The following TNFRSF8 variants were observed in gnomAD, a reference collection of about 807,000 sequenced individuals.
TNFRSF8 encodes the protein tumor necrosis factor receptor superfamily member 8.
A neutral mutation model predicts 70.8 loss-of-function variants in TNFRSF8; 26 were observed. That is an observed-to-expected ratio of 0.37 (90% CI 0.27 to 0.51). The LOEUF (loss-of-function observed/expected upper bound fraction) is 0.51, where lower values mean the gene tolerates loss of function less well. TNFRSF8 is among the 20% of genes least tolerant of loss of function. TNFRSF8 has a pLI of 0.94. For missense variants in TNFRSF8, 720 were observed against 807.9 expected (o/e 0.89, Z 1.32); for synonymous variants, 356 against 339.2 (o/e 1.05, Z -0.54).
intron 13 of TNFRSF8, among the ~76,000 whole-genome samples, chr1:12,135,984 CTG>C (rs1642138201): frequency 1.3e-5 from 2 of 152,274 alleles, no homozygotes; most frequent in South Asian, 2.1e-4. Flanking sequence ...AGGAGGAAGA[CTG>C]TGTTCATTTT....
chr1:12,126,640 C>T (rs970475027), intron 12 of TNFRSF8, among the ~76,000 whole-genome samples: 1 of 152,204 alleles, frequency 6.6e-6, no homozygotes, highest in Non-Finnish European at 1.5e-5. Flanking sequence ...CCTCTCTCCC[C>T]CTCTTCTACC....
chr1:12,138,513 A>G lies in TNFRSF8; in HGVS notation c.1543+77A>G, dbSNP rs1642195024. On this transcript the variant is annotated intron_variant, in intron 14 of 14. Transcript: ENST00000263932. This position sits in a 1 kb window ranked among gnomAD's most constrained non-coding sequence, Gnocchi z 5.7. ...ATGAATACGGGGCCCTGGGCCCTGG[A>G]AGGGACCTGGAGACCCTGGAGTTGA... The G allele has an allele frequency of 7.1e-7, 1 of 1,399,358 alleles. No homozygotes were observed. The highest frequency in any genetic ancestry group is 9.6e-7 in the Non-Finnish European group (1 of 1,039,376). The allele number at this position is 1,399,358 out of a possible 1,614,324, so 86.7% of individuals were successfully genotyped here.
At chr1:12,099,936 A>T (rs1353389087) in intron 3 of TNFRSF8, among the ~76,000 whole-genome samples, 2 of 152,136 alleles carry the variant, frequency 1.3e-5, no homozygotes, top group Non-Finnish European at 2.9e-5. Flanking sequence ...TGGGAGGCCG[A>T]GGAGGGTGGA....
chr1:12,125,129 C>T (rs1641914569), intron 10 of TNFRSF8, among the ~76,000 whole-genome samples: 1 of 152,206 alleles, frequency 6.6e-6, no homozygotes, highest in South Asian at 2.1e-4. Context: ...TGCACATTAA[C>T]GTTTGAGAAG....
intron 1 of TNFRSF8, among the ~76,000 whole-genome samples, chr1:12,064,819 G>T (rs1640709364): frequency 6.6e-6 from 1 of 152,186 alleles, no homozygotes; most frequent in Admixed American, 6.5e-5. Context: ...GAGACACCCT[G>T]TCCCAGCTCT....
chr1:12,121,515 G>A (rs2101022827), intron 8 of TNFRSF8, among the ~76,000 whole-genome samples: 1 of 152,326 alleles, frequency 6.6e-6, no homozygotes, highest in Non-Finnish European at 1.5e-5. Flanking sequence ...AAGCTTTGAA[G>A]AAGGTGCCCA....
intron 3 of TNFRSF8, among the ~76,000 whole-genome samples, chr1:12,102,619 G>A (rs1458522273): frequency 6.6e-6 from 1 of 152,110 alleles, no homozygotes; most frequent in Non-Finnish European, 1.5e-5. Flanking sequence ...TCCACTTCTC[G>A]GGTTCAAGTG....
At chr1:12,068,560 G>T (rs558760964) in intron 1 of TNFRSF8, among the ~76,000 whole-genome samples, 113 of 152,306 alleles carry the variant, frequency 7.4e-4, no homozygotes, top group Middle Eastern at 3.4e-3. Flanking sequence ...CGGTATCTAT[G>T]GTTGAAAACC....
intron 1 of TNFRSF8, among the ~76,000 whole-genome samples, chr1:12,070,062 G>A (rs891011891): frequency 2.7e-4 from 41 of 152,142 alleles, no homozygotes; most frequent in Admixed American, 2.4e-3. Context: ...GTGGTAGATC[G>A]TGCAGACCTT....
intron 8 of TNFRSF8, among the ~76,000 whole-genome samples, chr1:12,122,931 C>T (rs962547279): frequency 2.0e-5 from 3 of 151,926 alleles, no homozygotes; most frequent in Admixed American, 6.6e-5. Context: ...CGGGTTCAAA[C>T]GATTCTCCTG....
In TNFRSF8 at chr1:12,123,788, G is replaced by A. The variant is rs200494344; in HGVS notation, c.1114G>A (p.Val372Ile). 1.3e-5 allele frequency: 21 copies of A among 1,576,818 alleles called. No individual in the cohort carries two copies. The highest frequency in any genetic ancestry group is 1.7e-4 in the Middle Eastern group (1 of 6,024). The change falls in exon 10 of 15, where the codon GTC becomes ATC. Residue 372 changes from valine to isoleucine, a missense_variant. Coordinates refer to ENST00000263932, the MANE Select transcript of TNFRSF8 (RefSeq NM_001243.5). ...KTLPIPTSAPVALSSTGKPVL... is the reference protein window; with the variant it reads ...KTLPIPTSAPIALSSTGKPVL... Reference sequence around the variant, plus strand: ...GCTGCCCATCCCAACCAGCGCTCCCGTCGCTCTCTCCTCCACGGGGAAGCC... The same window carrying A: ...GCTGCCCATCCCAACCAGCGCTCCCATCGCTCTCTCCTCCACGGGGAAGCC...
chr1:12,073,944 G>A (rs1188508750), intron 1 of TNFRSF8, among the ~76,000 whole-genome samples: 2 of 151,862 alleles, frequency 1.3e-5, no homozygotes, highest in South Asian at 2.1e-4. Flanking sequence ...GGCTGTTGCT[G>A]CCCGGGAACG....
chr1:12,104,602 T>G (rs1409471218), intron 4 of TNFRSF8, 71 bp downstream of exon 4: 1 of 1,583,196 alleles, frequency 6.3e-7, no homozygotes. Context: ...CCCACCCCAG[T>G]GCACTGTTGA....
chr1:12,138,294 A>G lies in TNFRSF8; in HGVS notation c.1401A>G (p.Pro467=). 1 of 1,613,616 alleles carries G rather than the reference A, an allele frequency of 6.2e-7. No homozygotes were observed. Among genetic ancestry groups the G allele is most frequent in the Non-Finnish European group, 8.5e-7 (1 of 1,179,932 alleles). The change falls in exon 14 of 15, where the codon CCA becomes CCG. Residue 467 remains proline (P), a synonymous_variant. Coordinates refer to ENST00000263932, the MANE Select transcript of TNFRSF8 (RefSeq NM_001243.5). This position sits in a 1 kb window ranked among gnomAD's most constrained non-coding sequence, Gnocchi z 5.7. The part of the protein sequence containing the change: ...VAEERGLMSQ[P]LMETCHSVGA... ...AAGAGCGAGGGTTAATGAGCCAGCC[A>G]CTGATGGAGACCTGCCACAGCGTGG...
intron 3 of TNFRSF8, among the ~76,000 whole-genome samples, chr1:12,098,021 G>A (rs11121857): frequency 6.6e-6 from 1 of 151,876 alleles, no homozygotes; most frequent in Non-Finnish European, 1.5e-5. Flanking sequence ...GATTTTCATT[G>A]TGTTCTTTCT....
At chr1:12,095,147 G>A (rs1001669041) in intron 2 of TNFRSF8, among the ~76,000 whole-genome samples, 7 of 152,180 alleles carry the variant, frequency 4.6e-5, no homozygotes, top group African/African-American at 1.7e-4. Context: ...TGTCCTCAGC[G>A]GAAATCATAG....
At chr1:12,070,239 G>A (rs1640818690) in intron 1 of TNFRSF8, among the ~76,000 whole-genome samples, 1 of 151,860 alleles carries the variant, frequency 6.6e-6, no homozygotes, top group East Asian at 1.9e-4. Flanking sequence ...AGGTGGGAAT[G>A]TGCTTTTTCT....
Position 12,063,765 on chromosome 1 carries a change from C to A in TNFRSF8, c.63+104C>A. ...GGACACTCCTCACCCCGTTCCCTGC[C>A]CAGCTGGAGTGAGGGGGCGCGGGTG... On this transcript the variant is annotated intron_variant, in intron 1 of 14. Transcript: ENST00000263932. This position sits in a 1 kb window ranked among gnomAD's most constrained non-coding sequence, Gnocchi z 7.2. 1 of 1,109,608 alleles carries A rather than the reference C, an allele frequency of 9.0e-7. No individual in the cohort carries two copies. Among genetic ancestry groups the A allele is most frequent in the Non-Finnish European group, 1.1e-6 (1 of 869,800 alleles). The allele number at this position is 1,109,608 out of a possible 1,614,324, so 68.7% of individuals were successfully genotyped here. A position where few individuals can be genotyped will look rare whatever the true frequency, so the allele number is the denominator to read the frequency against.
At chr1:12,082,558 A>AC (rs547015523) in intron 1 of TNFRSF8, among the ~76,000 whole-genome samples, 17 of 151,164 alleles carry the variant, frequency 1.1e-4, no homozygotes, top group South Asian at 2.1e-4. Context: ...TCAAAAAAAA[A>AC]AAAAACAAAA....
Sources: allele counts gnomAD v4.1 joint callset (sites outside exome capture counted in the v4.1 genomes callset), GRCh38; gene constraint gnomAD v4.1.1; non-coding constraint Gnocchi (gnomAD v3.1); transcripts MANE v1.5; gene names NCBI Gene and HGNC (gene_info 2026-07-23, HGNC 2026-07-21).